NHSL2: variants seen among roughly 807,000 people sequenced by gnomAD.
NHSL2 encodes NHS-like protein 2.
Under a neutral mutation model 53.4 loss-of-function variants are expected in NHSL2, and 27 were observed. That is an observed-to-expected ratio of 0.51 (90% CI 0.37 to 0.70). The LOEUF (loss-of-function observed/expected upper bound fraction) is 0.70, where lower values mean the gene tolerates loss of function less well. Ranked by LOEUF, NHSL2 falls within the 30% of genes least tolerant of loss-of-function variation. The pLI, the probability that NHSL2 is intolerant of heterozygous loss-of-function variation, is 0.00. For missense variants in NHSL2, 892 were observed against 980.1 expected, an observed-to-expected ratio of 0.91 and a Z score of 1.20; for synonymous variants, 408 against 404.1, an observed-to-expected ratio of 1.01 and a Z score of -0.12.
intron 6 of NHSL2, chrX:72,141,018 T>C (rs1464242356): frequency 1.7e-5 from 5 of 300,116 alleles, no homozygotes; most frequent in Non-Finnish European, 3.0e-5. Flanking sequence ...TCTAAATCTC[T>C]AGTGCTGAGA....
chrX:71,987,117 A>G (rs948128115), intron 1 of NHSL2, among the ~76,000 whole-genome samples: 1 of 111,970 alleles, frequency 8.9e-6, no homozygotes, highest in African/African-American at 3.2e-5. Context: ...AGGCTGAGGC[A>G]TGAGAATGGT....
chrX:71,935,399 C>G (rs1248294673), intron 1 of NHSL2, among the ~76,000 whole-genome samples: 3 of 112,442 alleles, frequency 2.7e-5, no homozygotes, highest in African/African-American at 9.7e-5. Flanking sequence ...TAGTAGCACA[C>G]TTATTAAACC....
chrX:72,092,116 T>C (rs1341887709), intron 1 of NHSL2, among the ~76,000 whole-genome samples: 1 of 111,860 alleles, frequency 8.9e-6, no homozygotes, highest in Non-Finnish European at 1.9e-5. Context: ...GTAGGTTAGA[T>C]GGCCTGTTTC....
At chrX:72,051,584 C>T (rs2042340778) in intron 1 of NHSL2, among the ~76,000 whole-genome samples, 1 of 111,224 alleles carries the variant, frequency 9.0e-6, no homozygotes, top group South Asian at 3.8e-4. Context: ...CTTCCTCTTG[C>T]TTCTCCTACC....
chrX:72,087,182 G>A (rs993091004), intron 1 of NHSL2, among the ~76,000 whole-genome samples: 1 of 112,543 alleles, frequency 8.9e-6, no homozygotes, highest in African/African-American at 3.2e-5. Flanking sequence ...ACCAAAAAAA[G>A]GAATGAAGTT....
intron 1 of NHSL2, among the ~76,000 whole-genome samples, chrX:72,035,422 T>G (rs1208185407): frequency 1.8e-5 from 2 of 112,137 alleles, no homozygotes; most frequent in Admixed American, 1.9e-4. Context: ...TTTGATGATT[T>G]TCTGTCTAGT....
chrX:72,097,828 G>A (rs1435124481), intron 1 of NHSL2, among the ~76,000 whole-genome samples: 1 of 112,088 alleles, frequency 8.9e-6, no homozygotes, highest in Admixed American at 9.4e-5. Context: ...CCCTCTTAGT[G>A]ATTTTTAACT....
intron 1 of NHSL2, among the ~76,000 whole-genome samples, chrX:72,116,787 A>AGAGGGT (rs2042142409): frequency 9.2e-6 from 1 of 109,274 alleles, no homozygotes; most frequent in South Asian, 3.9e-4. Context: ...GAGGACAGCT[A>AGAGGGT]GGGGGTGCTC....
chrX:72,003,544 A>AT (rs1318448035), intron 1 of NHSL2, among the ~76,000 whole-genome samples: 1 of 111,395 alleles, frequency 9.0e-6, no homozygotes, highest in Non-Finnish European at 1.9e-5. Flanking sequence ...GTATGGCCTT[A>AT]TGCAAGTCAC....
rs1364452085 is a variant in NHSL2, at chrX:72,039,132, C to CTTTCCTTTCCTTTCCTTTCCTTTCT, written c.281-92930_281-92929insTCCTTTCTTTTCCTTTCCTTTCCTT. On this transcript the variant is annotated intron_variant, in intron 1 of 7. Transcript: ENST00000633930. ...CTTTCCTTTCCTTTCCTTTCCTTTC[C>CTTTCCTTTCCTTTCCTTTCCTTTCT]TTTCCTTTCCTTTCCTTCCTTGTCT... Among the ~76,000 whole-genome samples the CTTTCCTTTCCTTTCCTTTCCTTTCT allele has an allele frequency of 4.7e-5, 4 of 85,954 alleles. 1 individual carries two copies. In the South Asian group the frequency reaches 1.5e-3, roughly 32 times the overall value. 74.6% of individuals were successfully genotyped at this position (85,954 alleles called of 115,157 possible).
At chrX:71,942,150 C>A (rs2041769031) in intron 1 of NHSL2, among the ~76,000 whole-genome samples, 1 of 111,998 alleles carries the variant, frequency 8.9e-6, no homozygotes, top group Admixed American at 9.4e-5. Flanking sequence ...GGAATCTTTC[C>A]TTAGAGCTCT....
rs1489534555 is a variant in NHSL2 at position 72,132,214 on chromosome X, A to G, written c.416A>G (p.Asn139Ser). 1.1e-5 allele frequency: 13 copies of G among 1,161,537 alleles called. No homozygotes were observed. The Admixed American group carries it at 3.4e-4, about 30-fold the overall frequency. Residue 139 changes from asparagine to serine, a missense_variant, in exon 2 of 8, where the codon AAT becomes AGT. By Grantham distance (46) the Asn-to-Ser change is conservative (BLOSUM62 1). Transcript: ENST00000633930. ...GAGCTGCTTCGGGAGGCGCAGCTCA[A>G]TCTCCAGAGCCTGTTGCAAGGTACC... ...VEELLREAQL[N>S]LQSLLQEEYE...
chrX:71,926,590 T>A (rs2041686784), intron 1 of NHSL2, among the ~76,000 whole-genome samples: 1 of 110,477 alleles, frequency 9.1e-6, no homozygotes, highest in Non-Finnish European at 1.9e-5. Flanking sequence ...GAGCAGTGGT[T>A]TTCAACCTTG....
chrX:72,088,635 G>C (rs999473364), intron 1 of NHSL2, among the ~76,000 whole-genome samples: 1 of 111,594 alleles, frequency 9.0e-6, no homozygotes, highest in East Asian at 2.8e-4. Flanking sequence ...ATTTTCTGGG[G>C]TCCCTTATGA....
At chrX:72,059,172 A>G (rs1367650531) in intron 1 of NHSL2, among the ~76,000 whole-genome samples, 1 of 110,752 alleles carries the variant, frequency 9.0e-6, no homozygotes, top group Non-Finnish European at 1.9e-5. Context: ...AAGGAATGGC[A>G]CCACCCATTC....
At chrX:71,982,677 CT>C (rs2041984958) in intron 1 of NHSL2, among the ~76,000 whole-genome samples, 1 of 112,226 alleles carries the variant, frequency 8.9e-6, no homozygotes, top group Admixed American at 9.4e-5. Flanking sequence ...GTCCAGTGAG[CT>C]TCTGGATAGC....
At chrX:72,066,773 A>C (rs1380913644) in intron 1 of NHSL2, among the ~76,000 whole-genome samples, 1 of 111,640 alleles carries the variant, frequency 9.0e-6, no homozygotes, top group Non-Finnish European at 1.9e-5. Flanking sequence ...TGTGGAGTAG[A>C]TTAAACTAGT....
intron 1 of NHSL2, among the ~76,000 whole-genome samples, chrX:71,981,717 GA>G (rs1306265217): frequency 9.0e-6 from 1 of 111,520 alleles, no homozygotes; most frequent in African/African-American, 3.3e-5. Context: ...ACAAGTACAT[GA>G]AAAGATGTTC....
intron 1 of NHSL2, among the ~76,000 whole-genome samples, chrX:71,935,041 A>G (rs1036776312): frequency 1.8e-5 from 2 of 110,915 alleles, no homozygotes; most frequent in East Asian, 5.6e-4. Flanking sequence ...AGTAAAGGAC[A>G]CTCATGCACA....
Sources: gnomAD v4.1 joint callset for allele counts (sites outside exome capture counted in the v4.1 genomes callset) on GRCh38, gnomAD v4.1.1 for gene constraint, MANE v1.5 for transcripts, NCBI Gene and HGNC (gene_info 2026-07-23, HGNC 2026-07-21) for gene names.